Variants in PSG2 observed in about 807,000 individuals in gnomAD.
The protein encoded by PSG2 is pregnancy-specific beta-1-glycoprotein 2.
In PSG2, 49 loss-of-function variants were observed where a neutral mutation model predicts 36.2. That is an observed-to-expected ratio of 1.35 (90% CI 1.08 to 1.72). The LOEUF is 1.72. Ranked by LOEUF, PSG2 falls within the 40% of genes most tolerant of loss-of-function variation. The pLI is 0.00. For synonymous variants in PSG2, 261 were observed against 155.6 expected, an observed-to-expected ratio of 1.68 and a Z score of -5.04; for missense variants, 605 against 407.2, an observed-to-expected ratio of 1.49 and a Z score of -4.18.
rs1058160 is a variant in PSG2, at chr19:43,064,455, T to G, written c.*187A>C. The G allele has an allele frequency of 2.6e-5, 11 of 421,464 alleles. No homozygotes were observed. Among genetic ancestry groups the G allele is most frequent in the East Asian group, 1.1e-4 (3 of 26,906 alleles). The allele number at this position is 421,464 out of a possible 1,614,324, so 26.1% of individuals were successfully genotyped here. ...TTTTGATTATTTAGTCCAATAACAT[T>G]GAGTATTTTTCTTCTTTGTCTTGAA... On this transcript the variant is annotated 3_prime_UTR_variant, in exon 6 of 6. Coordinates refer to ENST00000406487, the MANE Select transcript of PSG2 (RefSeq NM_031246.4).
At position 43,066,535 on chromosome 19, in the gene PSG2, T is replaced by C. The variant is rs1967741315; in HGVS notation, c.*22A>G. ...ATCATACCTGCCAGTCTTCCTGAAA[T>C]ACAGAAATGACATCACAGCTGCTAT... On this transcript the variant is annotated 3_prime_UTR_variant, in exon 5 of 6. Transcript: ENST00000406487. 2 of 1,578,790 alleles carry C rather than the reference T, an allele frequency of 1.3e-6. No homozygotes were observed. The highest frequency in any genetic ancestry group is 3.3e-5 in the Admixed American group (2 of 59,830).
At chr19:43,079,527 G>C (rs1206985237) in intron 2 of PSG2, among the ~76,000 whole-genome samples, 1 of 150,142 alleles carries the variant, frequency 6.7e-6, no homozygotes, top group Admixed American at 6.6e-5. Context: ...GAGTGTGTGT[G>C]TCTCTCACTG....
intron 2 of PSG2, among the ~76,000 whole-genome samples, chr19:43,078,247 A>G (rs1405814841): frequency 6.6e-6 from 1 of 151,734 alleles, no homozygotes; most frequent in African/African-American, 2.4e-5. Context: ...GTTCCTCCAT[A>G]AAACTAACAC....
At chr19:43,072,821 T>G (rs1967838834) in intron 3 of PSG2, among the ~76,000 whole-genome samples, 1 of 151,774 alleles carries the variant, frequency 6.6e-6, no homozygotes, top group African/African-American at 2.4e-5. Context: ...GCCTGCTCTG[T>G]CTTAGGAAAG....
intron 3 of PSG2, among the ~76,000 whole-genome samples, chr19:43,073,267 T>A (rs1484930748): frequency 5.9e-5 from 9 of 151,766 alleles, no homozygotes; most frequent in Non-Finnish European, 7.4e-5. Flanking sequence ...ACCAGTGACC[T>A]CTAAAGATAG....
chr19:43,071,144 AG>A lies in PSG2; in HGVS notation c.964+555del, dbSNP rs373197198. Among the ~76,000 whole-genome samples, 458 of 151,616 alleles carry A rather than the reference AG, an allele frequency of 3.0e-3. 23 individuals carry two copies. The highest frequency in any genetic ancestry group is 0.01 in the African/African-American group (427 of 41,096). On this transcript the variant is annotated intron_variant, in intron 4 of 5. Coordinates refer to ENST00000406487, the MANE Select transcript of PSG2 (RefSeq NM_031246.4). ...TTAGCGAAATTCAGGACAGTCCACA[AG>A]GGGTCTTTCTCCACACATGCTGGTC...
intron 3 of PSG2, 24 bp downstream of exon 3, chr19:43,075,330 C>A (rs1967877562): frequency 6.2e-7 from 1 of 1,613,168 alleles, no homozygotes; most frequent in Non-Finnish European, 8.5e-7. Flanking sequence ...CAGTCTGGCC[C>A]ACAGAGGAAC....
At chr19:43,072,393 A>C (rs938671975) in intron 3 of PSG2, 13 of 1,612,520 alleles carry the variant, frequency 8.1e-6, no homozygotes, top group African/African-American at 1.3e-5. Context: ...ATGCCACCAT[A>C]TCGGTCCCGT....
At chr19:43,075,077 G>C (rs754752406) in intron 3 of PSG2, among the ~76,000 whole-genome samples, 2 of 151,752 alleles carry the variant, frequency 1.3e-5, no homozygotes, top group African/African-American at 4.9e-5. Context: ...CCAAATCCCC[G>C]CTGTGTTCAC....
chr19:43,065,503 G>A lies in PSG2; in HGVS notation c.*41-902C>T, dbSNP rs998660441. ...TGCCTGGGTCCCTCTCCAGACCTTT[G>A]AACTGGAACTAATGGGTGGGGCTTG... On this transcript the variant is annotated intron_variant, in intron 5 of 5. Coordinates refer to ENST00000406487, the MANE Select transcript of PSG2 (RefSeq NM_031246.4). 23 of 151,766 alleles carry A rather than the reference G, an allele frequency of 1.5e-4. 1 individual carries two copies. The highest frequency in any genetic ancestry group is 2.5e-4 in the Non-Finnish European group (17 of 67,954). The allele number at this position is 151,766 out of a possible 1,614,324, so 9.4% of individuals were successfully genotyped here. A position where few individuals can be genotyped will look rare whatever the true frequency, so the allele number is the denominator to read the frequency against.
intron 3 of PSG2, chr19:43,072,620 G>A: frequency 1.2e-6 from 2 of 1,611,464 alleles, no homozygotes; most frequent in Non-Finnish European, 1.7e-6. Flanking sequence ...TTAGGGCTTG[G>A]GCAGCTTCGC....
At chr19:43,066,370 G>T in intron 5 of PSG2, 147 bp downstream of exon 5, 1 of 659,478 alleles carries the variant, frequency 1.5e-6, no homozygotes, top group Non-Finnish European at 2.8e-6. Flanking sequence ...GGGAGAAAGG[G>T]AACTGCAGGA....
At chr19:43,072,531 T>G in intron 3 of PSG2, 1 of 1,611,180 alleles carries the variant, frequency 6.2e-7, no homozygotes. Flanking sequence ...CAAATGTAGG[T>G]GTAGCTCTCA....
At position 43,066,526 on chromosome 19, in the gene PSG2, T is replaced by G; in HGVS notation, c.*31A>C. The G allele has an allele frequency of 2.6e-6, 4 of 1,567,680 alleles. No homozygotes were observed. The highest frequency in any genetic ancestry group is 3.5e-6 in the Non-Finnish European group (4 of 1,138,872). On this transcript the variant is annotated 3_prime_UTR_variant, in exon 5 of 6. Coordinates refer to ENST00000406487, the MANE Select transcript of PSG2 (RefSeq NM_031246.4). ...GAAAAGGCCATCATACCTGCCAGTC[T>G]TCCTGAAATACAGAAATGACATCAC... is the stretch of plus-strand genomic sequence containing the variant.
rs1967712799 is a variant in PSG2 at position 43,064,486 on chromosome 19, T to G, written c.*156A>C. The G allele has an allele frequency of 2.1e-6, 1 of 487,244 alleles. No homozygotes were observed. Among genetic ancestry groups the G allele is most frequent in the Non-Finnish European group, 3.8e-6 (1 of 261,664 alleles). 30.2% of individuals were successfully genotyped at this position (487,244 alleles called of 1,614,324 possible). The stretch of plus-strand genomic sequence containing the variant: ...TTTTTCTTCTTTGTCTTGAATTTCA[T>G]GAAGGTATCAGCCTGTTCATTAAAA... On this transcript the variant is annotated 3_prime_UTR_variant, in exon 6 of 6. Transcript: ENST00000406487.
At chr19:43,067,891 A>G (rs1967763129) in intron 4 of PSG2, among the ~76,000 whole-genome samples, 1 of 151,424 alleles carries the variant, frequency 6.6e-6, no homozygotes, top group South Asian at 2.1e-4. Flanking sequence ...TTAAAAAAGA[A>G]GAAAGATCTC....
At chr19:43,075,980 G>A (rs980673586) in intron 2 of PSG2, among the ~76,000 whole-genome samples, 3 of 151,602 alleles carry the variant, frequency 2.0e-5, no homozygotes, top group Non-Finnish European at 4.4e-5. Flanking sequence ...CTTGGAGCAT[G>A]CAGTGCTGGA....
At chr19:43,078,272 G>A (rs888385229) in intron 2 of PSG2, among the ~76,000 whole-genome samples, 5 of 151,674 alleles carry the variant, frequency 3.3e-5, no homozygotes, top group Non-Finnish European at 7.4e-5. Context: ...ACTTTGCCCA[G>A]GGACGGCCTT....
intron 1 of PSG2, among the ~76,000 whole-genome samples, chr19:43,081,541 G>A (rs187565751): frequency 9.3e-5 from 14 of 150,032 alleles, no homozygotes; most frequent in East Asian, 3.9e-4. Context: ...CCAGGGGTCC[G>A]CATGACCCCA....
Sources: allele counts gnomAD v4.1 joint callset (sites outside exome capture counted in the v4.1 genomes callset), GRCh38; gene constraint gnomAD v4.1.1; transcripts MANE v1.5; gene names NCBI Gene and HGNC (gene_info 2026-07-23, HGNC 2026-07-21).